SERPINI1: variants seen among roughly 807,000 people sequenced by gnomAD.
The protein encoded by SERPINI1 is neuroserpin.
In SERPINI1, 19 loss-of-function variants were observed where a neutral mutation model predicts 41.1. That is an observed-to-expected ratio of 0.46 (90% CI 0.32 to 0.68). The LOEUF (loss-of-function observed/expected upper bound fraction) is 0.68, where lower values mean the gene tolerates loss of function less well. Among genes scored for constraint, SERPINI1 ranks in the 30% least tolerant of loss-of-function variants. The pLI, the probability that SERPINI1 is intolerant of heterozygous loss-of-function variation, is 0.03. For synonymous variants in SERPINI1, 138 were observed against 156.6 expected (o/e 0.88, Z 0.89); for missense variants, 460 against 479.2 (o/e 0.96, Z 0.37).
At position 167,794,694 on chromosome 3, in the gene SERPINI1, A is replaced by G. The variant is rs1553774954; in HGVS notation, c.751A>G (p.Ile251Val). 2 of 1,613,742 alleles carry G rather than the reference A, an allele frequency of 1.2e-6. No homozygotes were observed. The highest frequency in any genetic ancestry group is 1.7e-6 in the Non-Finnish European group (2 of 1,179,828). Residue 251 changes from isoleucine to valine, a missense_variant, in exon 5 of 9, where the codon ATA (isoleucine) becomes GTA (valine). Coordinates refer to ENST00000446050, the MANE Select transcript of SERPINI1 (RefSeq NM_001122752.2). ...AGAAATACCATATGAAGGAGATGAA[A>G]TAAGCATGATGCTGGTGCTGTCCAG... ...VLEIPYEGDE[I>V]SMMLVLSRQE...
chr3:167,774,715 A>G (rs1044486122), intron 1 of SERPINI1, among the ~76,000 whole-genome samples: 14 of 152,118 alleles, frequency 9.2e-5, no homozygotes, highest in African/African-American at 3.4e-4. Context: ...TGCACTCCTC[A>G]TGAGAATCTA....
chr3:167,817,820 C>T (rs996770289), intron 6 of SERPINI1, among the ~76,000 whole-genome samples: 5 of 151,804 alleles, frequency 3.3e-5, no homozygotes, highest in East Asian at 2.0e-4. Context: ...AGGGTGGTCC[C>T]GATCTCCTGA....
At chr3:167,804,808 A>G (rs924313443) in intron 5 of SERPINI1, among the ~76,000 whole-genome samples, 3 of 152,104 alleles carry the variant, frequency 2.0e-5, no homozygotes, top group Non-Finnish European at 4.4e-5. Context: ...ATGCCACTGC[A>G]CTCTAGCCTG....
chr3:167,784,350 G>A (rs1223121645), intron 1 of SERPINI1, among the ~76,000 whole-genome samples: 1 of 152,156 alleles, frequency 6.6e-6, no homozygotes, highest in Non-Finnish European at 1.5e-5. Context: ...TGAGTTCCTT[G>A]AGGACAAGAG....
At chr3:167,813,854 A>G (rs1203039056) in intron 6 of SERPINI1, among the ~76,000 whole-genome samples, 1 of 152,130 alleles carries the variant, frequency 6.6e-6, no homozygotes, top group Non-Finnish European at 1.5e-5. Context: ...ACCTGGCTAC[A>G]AGCATGGGGA....
chr3:167,817,165 T>A (rs1712124663), intron 6 of SERPINI1, among the ~76,000 whole-genome samples: 1 of 152,160 alleles, frequency 6.6e-6, no homozygotes, highest in African/African-American at 2.4e-5. Flanking sequence ...AGAGCATTTC[T>A]CTACTGCTGA....
intron 6 of SERPINI1, among the ~76,000 whole-genome samples, chr3:167,818,238 C>G (rs7640563): frequency 0.52 from 79,016 of 151,678 alleles, 23,320 homozygotes; most frequent in African/African-American, 0.8. Flanking sequence ...ATGTTGGCCA[C>G]CCTGGTCTCG....
chr3:167,759,402 A>ATG (rs1726303373), intron 1 of SERPINI1, among the ~76,000 whole-genome samples: 1 of 122,172 alleles, frequency 8.2e-6, no homozygotes, highest in African/African-American at 5.1e-5. Context: ...AAAATGTGGT[A>ATG]TATATATATA....
intron 1 of SERPINI1, among the ~76,000 whole-genome samples, chr3:167,770,099 A>G (rs1418633298): frequency 6.6e-6 from 1 of 150,584 alleles, no homozygotes; most frequent in Middle Eastern, 3.2e-3. Context: ...TTATATATTC[A>G]GATATAACAT....
chr3:167,772,557 G>A (rs912992116), intron 1 of SERPINI1, among the ~76,000 whole-genome samples: 2 of 151,894 alleles, frequency 1.3e-5, no homozygotes, highest in East Asian at 1.9e-4. Context: ...ATGGCAACCC[G>A]ATGTCCATCA....
chr3:167,759,021 C>A (rs1396405698), intron 1 of SERPINI1, among the ~76,000 whole-genome samples: 3 of 152,102 alleles, frequency 2.0e-5, no homozygotes. Flanking sequence ...ACATTAGACA[C>A]AGGAAATAGA....
chr3:167,798,962 A>G (rs572772335), intron 5 of SERPINI1, among the ~76,000 whole-genome samples: 4 of 152,286 alleles, frequency 2.6e-5, no homozygotes, highest in East Asian at 3.9e-4. Flanking sequence ...TAACAAACCT[A>G]CATACGTATC....
chr3:167,772,956 A>ATATGTG (rs1726837236), intron 1 of SERPINI1, among the ~76,000 whole-genome samples: 2 of 94,198 alleles, frequency 2.1e-5, no homozygotes, highest in African/African-American at 9.9e-5. Context: ...ACACATATAT[A>ATATGTG]TGTATATGTG....
In SERPINI1 at chr3:167,794,508, C is replaced by A; in HGVS notation, c.677-112C>A. Reference sequence around the variant, plus strand: ...AGTGGTGATTTGTGAGATTTTGTTGCACAAGTACCTGAGCAGTGTACACTA... The same window carrying A: ...AGTGGTGATTTGTGAGATTTTGTTGAACAAGTACCTGAGCAGTGTACACTA... On this transcript the variant is annotated intron_variant, in intron 4 of 8. Transcript: ENST00000446050. 3 of 749,712 alleles carry A rather than the reference C, an allele frequency of 4.0e-6. No individual in the cohort carries two copies. In the South Asian group the frequency reaches 6.8e-5, roughly 17 times the overall value. 46.4% of individuals were successfully genotyped at this position (749,712 alleles called of 1,614,324 possible).
At chr3:167,763,702 A>G (rs1310431099) in intron 1 of SERPINI1, among the ~76,000 whole-genome samples, 5 of 152,174 alleles carry the variant, frequency 3.3e-5, no homozygotes, top group Non-Finnish European at 5.9e-5. Flanking sequence ...CGTTAAAAAT[A>G]CAGGCAACTG....
intron 1 of SERPINI1, among the ~76,000 whole-genome samples, chr3:167,782,616 T>C (rs887800631): frequency 2.6e-4 from 39 of 152,294 alleles, no homozygotes; most frequent in African/African-American, 9.1e-4. Context: ...CTCAAAAAGC[T>C]TAGGACAAGA....
At chr3:167,822,553 A>G (rs1163221917) in intron 6 of SERPINI1, among the ~76,000 whole-genome samples, 1 of 152,122 alleles carries the variant, frequency 6.6e-6, no homozygotes, top group Non-Finnish European at 1.5e-5. Context: ...TTACATTATC[A>G]TAGTAATTAA....
intron 1 of SERPINI1, among the ~76,000 whole-genome samples, chr3:167,786,077 A>C (rs1477902568): frequency 1.3e-5 from 2 of 152,214 alleles, no homozygotes; most frequent in East Asian, 3.8e-4. Flanking sequence ...CTTGTACAGC[A>C]TGTTACTGTA....
intron 1 of SERPINI1, among the ~76,000 whole-genome samples, chr3:167,740,215 G>C (rs1725633885): frequency 2.0e-5 from 3 of 151,878 alleles, no homozygotes; most frequent in Non-Finnish European, 4.4e-5. Context: ...ACTTTTTATA[G>C]AGATAAGGGT....
Sources: gnomAD v4.1 joint callset for allele counts (sites outside exome capture counted in the v4.1 genomes callset) on GRCh38, gnomAD v4.1.1 for gene constraint, MANE v1.5 for transcripts, NCBI Gene and HGNC (gene_info 2026-07-23, HGNC 2026-07-21) for gene names.